Variants in DGAT2L6 observed in about 807,000 individuals in gnomAD.
The protein encoded by DGAT2L6 is diacylglycerol O-acyltransferase 2-like protein 6.
In DGAT2L6, 22 loss-of-function variants were observed where a neutral mutation model predicts 25.5. That is an observed-to-expected ratio of 0.86 (90% confidence interval 0.62 to 1.23). The LOEUF (loss-of-function observed/expected upper bound fraction) is 1.23, where lower values mean the gene tolerates loss of function less well. Among genes scored for constraint, DGAT2L6 ranks in the 50% most tolerant of loss-of-function variants. The pLI is 0.00. For missense variants in DGAT2L6, 287 were observed against 253.2 expected, an observed-to-expected ratio of 1.13 and a Z score of -0.91; for synonymous variants, 100 against 94.7, an observed-to-expected ratio of 1.06 and a Z score of -0.32.
intron 1 of DGAT2L6, among the ~76,000 whole-genome samples, chrX:70,196,554 T>C (rs1474308154): frequency 2.9e-5 from 2 of 68,298 alleles, no homozygotes; most frequent in South Asian, 6.4e-4. Context: ...GAAAAGAAAA[T>C]ATAGGGGAAA....
intron 1 of DGAT2L6, among the ~76,000 whole-genome samples, chrX:70,189,143 G>T (rs2085368316): frequency 9.0e-6 from 1 of 110,654 alleles, no homozygotes; most frequent in Non-Finnish European, 1.9e-5. Flanking sequence ...AAGAAAAAAA[G>T]AAATAAATGC....
At chrX:70,196,284 C>A (rs1312875103) in intron 1 of DGAT2L6, among the ~76,000 whole-genome samples, 1 of 108,446 alleles carries the variant, frequency 9.2e-6, no homozygotes, top group Admixed American at 9.9e-5. Context: ...TTGAAACTAG[C>A]CAGGGCAACA....
At chrX:70,188,185 G>C (rs1200477104) in intron 1 of DGAT2L6, among the ~76,000 whole-genome samples, 1 of 111,681 alleles carries the variant, frequency 9.0e-6, no homozygotes, top group Non-Finnish European at 1.9e-5. Context: ...ACTTAAGCTA[G>C]TAATCATTAG....
chrX:70,200,441 G>A lies in DGAT2L6; in HGVS notation c.454G>A (p.Glu152Lys). ...GATATTTTGGATCCCAATTGTGCGA[G>A]AATATGTGATGTCAATGGGTGAGTA... ...ERIFWIPIVR[E>K]YVMSMGVCPV... The change falls in exon 4 of 7, where the codon GAA becomes AAA. Residue 152 changes from glutamate to lysine, a missense_variant. Coordinates refer to ENST00000333026, the MANE Select transcript of DGAT2L6 (RefSeq NM_198512.3). 8.3e-7 allele frequency: 1 copy of A among 1,210,910 alleles called. No individual in the cohort carries two copies. Among genetic ancestry groups the A allele is most frequent in the Non-Finnish European group, 1.1e-6 (1 of 894,720 alleles).
chrX:70,199,222 C>T (rs1049524179), intron 1 of DGAT2L6, 49 bp from the exon 2 acceptor site: 3 of 917,474 alleles, frequency 3.3e-6, no homozygotes, highest in Non-Finnish European at 4.6e-6. Flanking sequence ...GAGAAGTATA[C>T]TAAAACTTGA....
chrX:70,182,564 C>T (rs1239735447), intron 1 of DGAT2L6, among the ~76,000 whole-genome samples: 1 of 97,972 alleles, frequency 1.0e-5, no homozygotes, highest in Non-Finnish European at 2.0e-5. Context: ...ACTGCAACCT[C>T]TGCCTCCCGG....
At chrX:70,190,170 G>A (rs1385146697) in intron 1 of DGAT2L6, among the ~76,000 whole-genome samples, 1 of 112,202 alleles carries the variant, frequency 8.9e-6, no homozygotes, top group Admixed American at 9.4e-5. Context: ...AGATGAAAAA[G>A]CAATTCCATG....
chrX:70,186,157 C>A (rs1249509503), intron 1 of DGAT2L6, among the ~76,000 whole-genome samples: 3 of 112,106 alleles, frequency 2.7e-5, no homozygotes, highest in Non-Finnish European at 3.8e-5. Flanking sequence ...AATTGAACTT[C>A]TTCCTTTACT....
intron 1 of DGAT2L6, among the ~76,000 whole-genome samples, chrX:70,185,568 G>A (rs2085356887): frequency 8.9e-6 from 1 of 111,950 alleles, no homozygotes; most frequent in Non-Finnish European, 1.9e-5. Context: ...TACATTAAGT[G>A]CTGAACAGAG....
chrX:70,196,529 A>C (rs1018049931), intron 1 of DGAT2L6, among the ~76,000 whole-genome samples: 9 of 108,561 alleles, frequency 8.3e-5, no homozygotes, highest in African/African-American at 3.0e-4. Context: ...AAAAAGAAAA[A>C]AGAAAGAAAG....
chrX:70,179,289 T>C (rs1487734809), intron 1 of DGAT2L6, among the ~76,000 whole-genome samples: 6 of 111,810 alleles, frequency 5.4e-5, no homozygotes. Flanking sequence ...ACTTTCATAG[T>C]TTCCTTTTGT....
chrX:70,203,374 G>A (rs1269154248), intron 5 of DGAT2L6, among the ~76,000 whole-genome samples: 1 of 112,155 alleles, frequency 8.9e-6, no homozygotes, highest in Non-Finnish European at 1.9e-5. Context: ...CAATGGAAAT[G>A]TGTACAAAGT....
At chrX:70,193,316 A>G (rs2085380967) in intron 1 of DGAT2L6, among the ~76,000 whole-genome samples, 1 of 110,319 alleles carries the variant, frequency 9.1e-6, no homozygotes, top group African/African-American at 3.3e-5. Context: ...TCAAAAGAAA[A>G]AAAAAAAAAA....
rs758367350 is a variant in DGAT2L6 at position 70,181,525 on chromosome X, C to A, written c.85+3858C>A. Among the ~76,000 whole-genome samples the A allele has an allele frequency of 3.6e-5, 4 of 112,221 alleles. No homozygotes were observed. The South Asian group carries it at 1.5e-3, about 42-fold the overall frequency. On this transcript the variant is annotated intron_variant, in intron 1 of 6. Coordinates refer to ENST00000333026, the MANE Select transcript of DGAT2L6 (RefSeq NM_198512.3). ...ACAGGGCGTGATGCCCACAGAGGTG[C>A]CTAAGACATTCAAATATGTTCAATC...
Position 70,180,906 on chromosome X carries a change from C to T in DGAT2L6, c.85+3239C>T, listed in dbSNP as rs779944552. Among the ~76,000 whole-genome samples, 4 of 112,189 alleles carry T rather than the reference C, an allele frequency of 3.6e-5. No homozygotes were observed. The East Asian group carries it at 1.1e-3, about 31-fold the overall frequency. On this transcript the variant is annotated intron_variant, in intron 1 of 6. Transcript: ENST00000333026. ...ATTTCCTTTGAAAGGCTGAGTTATA[C>T]GGTGCCTTGTGTGGATATGCCACAT...
chrX:70,195,702 G>A (rs1285966990), intron 1 of DGAT2L6, among the ~76,000 whole-genome samples: 1 of 111,448 alleles, frequency 9.0e-6, no homozygotes, highest in Non-Finnish European at 1.9e-5. Context: ...AGACCAGCTT[G>A]GGCAGCACAG....
chrX:70,189,896 T>G (rs1304750861), intron 1 of DGAT2L6, among the ~76,000 whole-genome samples: 1 of 111,950 alleles, frequency 8.9e-6, no homozygotes, highest in Non-Finnish European at 1.9e-5. Context: ...AAAGTTTAAT[T>G]AAAAAACCTC....
chrX:70,193,321 A>G (rs2085380996), intron 1 of DGAT2L6, among the ~76,000 whole-genome samples: 1 of 110,442 alleles, frequency 9.1e-6, no homozygotes, highest in Non-Finnish European at 1.9e-5. Flanking sequence ...AGAAAAAAAA[A>G]AAAAAGGATT....
intron 4 of DGAT2L6, 135 bp downstream of exon 4, chrX:70,200,594 G>T: frequency 1.7e-6 from 1 of 572,134 alleles, no homozygotes; most frequent in East Asian, 3.6e-5. Context: ...CCCGTAACAG[G>T]AGTATGTGGC....
Sources: allele counts gnomAD v4.1 joint callset (sites outside exome capture counted in the v4.1 genomes callset), GRCh38; gene constraint gnomAD v4.1.1; transcripts MANE v1.5; gene names NCBI Gene and HGNC (gene_info 2026-07-23, HGNC 2026-07-21).